The following KIAA1217 variants were observed in gnomAD, a reference collection of about 807,000 sequenced individuals.
KIAA1217 encodes KIAA1217.
In KIAA1217, 88 loss-of-function variants were observed where a neutral mutation model predicts 163.9. That is an observed-to-expected ratio of 0.54 (90% CI 0.45 to 0.64). The LOEUF (loss-of-function observed/expected upper bound fraction) is 0.64, where lower values mean the gene tolerates loss of function less well. Among genes scored for constraint, KIAA1217 ranks in the 30% least tolerant of loss-of-function variants. KIAA1217 has a pLI of 0.00. For synonymous variants in KIAA1217, 903 were observed against 923.1 expected (o/e 0.98, Z 0.39); for missense variants, 2,372 against 2,475.0 (o/e 0.96, Z 0.88).
intron 1 of KIAA1217, among the ~76,000 whole-genome samples, chr10:23,994,292 A>T (rs1846365830): frequency 6.6e-6 from 1 of 152,078 alleles, no homozygotes; most frequent in Non-Finnish European, 1.5e-5. Context: ...GGGTGTGGAT[A>T]TGTGGGAGTT....
At chr10:24,249,468 G>A (rs938594015) in intron 2 of KIAA1217, among the ~76,000 whole-genome samples, 1 of 152,104 alleles carries the variant, frequency 6.6e-6, no homozygotes, top group Admixed American at 6.5e-5. Context: ...AAGCCTAATT[G>A]AGCTTTTTCT....
upstream of KIAA1217, among the ~76,000 whole-genome samples, chr10:24,205,054 T>G (rs2067469862): frequency 6.6e-6 from 1 of 152,156 alleles, no homozygotes; most frequent in Non-Finnish European, 1.5e-5. Flanking sequence ...GTCAAGTCAT[T>G]TTCAACTATC....
chr10:24,278,674 C>T (rs558536976), intron 2 of KIAA1217, among the ~76,000 whole-genome samples: 16 of 152,234 alleles, frequency 1.1e-4, no homozygotes, highest in Admixed American at 2.6e-4. Context: ...CTAATGTGTG[C>T]TGTCTAGTGG....
At chr10:24,459,214 T>G (rs545407004) in intron 5 of KIAA1217, among the ~76,000 whole-genome samples, 1 of 152,292 alleles carries the variant, frequency 6.6e-6, no homozygotes. Flanking sequence ...CATGCCTTAG[T>G]TCCTGCCTGG....
At chr10:24,339,842 C>T (rs1362334941) in intron 2 of KIAA1217, among the ~76,000 whole-genome samples, 1 of 152,108 alleles carries the variant, frequency 6.6e-6, no homozygotes, top group African/African-American at 2.4e-5. Flanking sequence ...CTTTAGTGTC[C>T]CCCCAAAGCC....
At chr10:24,372,042 G>A (rs2051727390) in intron 2 of KIAA1217, among the ~76,000 whole-genome samples, 1 of 152,136 alleles carries the variant, frequency 6.6e-6, no homozygotes, top group Non-Finnish European at 1.5e-5. Flanking sequence ...TAGACACTGG[G>A]GACTCCTGGA....
intron 1 of KIAA1217, among the ~76,000 whole-genome samples, chr10:23,818,345 T>TA (rs71472817): frequency 0.026 from 3,514 of 134,708 alleles, 118 homozygotes; most frequent in African/African-American, 0.073. Flanking sequence ...TATATATATA[T>TA]AAAAAAATAT....
intron 2 of KIAA1217, among the ~76,000 whole-genome samples, chr10:24,197,459 T>A (rs532475940): frequency 6.6e-6 from 1 of 152,346 alleles, no homozygotes; most frequent in Admixed American, 6.5e-5. Flanking sequence ...GCAGTGAACT[T>A]GTTTTGGAAA....
At chr10:24,042,401 G>A (rs1381397217) in intron 2 of KIAA1217, 1 of 152,202 alleles carries the variant, frequency 6.6e-6, no homozygotes, top group African/African-American at 2.4e-5. Context: ...TAGGTGAGAA[G>A]ATTTTGAGAA....
intron 2 of KIAA1217, among the ~76,000 whole-genome samples, chr10:24,380,397 A>G (rs2053131086): frequency 6.6e-6 from 1 of 152,074 alleles, no homozygotes; most frequent in South Asian, 2.1e-4. Context: ...AGGCCGAGGC[A>G]GGCGGATCAC....
At chr10:24,521,669 G>T (rs1211051998) in intron 11 of KIAA1217, 113 bp from the exon 12 acceptor site, 8 of 1,309,694 alleles carry the variant, frequency 6.1e-6, no homozygotes, top group East Asian at 2.3e-5. Flanking sequence ...AGATGTGTGA[G>T]CCACCCTGTG....
intron 2 of KIAA1217, among the ~76,000 whole-genome samples, chr10:24,132,518 T>C (rs551385228): frequency 1.3e-4 from 20 of 152,344 alleles, no homozygotes; most frequent in African/African-American, 4.3e-4. Context: ...GTCTCTGCCC[T>C]CCGGCAGGAC....
chr10:23,932,905 A>G (rs950048549), intron 1 of KIAA1217, among the ~76,000 whole-genome samples: 2 of 152,238 alleles, frequency 1.3e-5, no homozygotes, highest in African/African-American at 4.8e-5. Context: ...ATTGATAAAT[A>G]TGAAATTGGA....
rs1564545708 is a variant in KIAA1217, at chr10:23,934,593, AT to A, written c.-320-72631del. On this transcript the variant is annotated intron_variant, in intron 1 of 18. Transcript: ENST00000376462. ...TATATATATATATATATATATATGT[AT>A]ATATATATATATGTATATATATATA... Among the ~76,000 whole-genome samples the A allele has an allele frequency of 0.013, 858 of 64,936 alleles. 163 individuals carry two copies. The African/African-American group carries it at 0.13, about 10-fold the overall frequency. 42.6% of individuals were successfully genotyped at this position (64,936 alleles called of 152,430 possible).
chr10:23,979,565 A>C (rs998282910), intron 1 of KIAA1217, among the ~76,000 whole-genome samples: 1 of 152,188 alleles, frequency 6.6e-6, no homozygotes, highest in Non-Finnish European at 1.5e-5. Context: ...TATAAAATAA[A>C]ACGTTGATAC....
intron 1 of KIAA1217, among the ~76,000 whole-genome samples, chr10:24,212,271 A>C (rs541398187): frequency 1.3e-5 from 2 of 152,142 alleles, no homozygotes; most frequent in Non-Finnish European, 2.9e-5. Context: ...CCATTTGCCT[A>C]AGTTGGGGAG....
At chr10:24,158,327 C>A in intron 2 of KIAA1217, 1 of 681,350 alleles carries the variant, frequency 1.5e-6, no homozygotes, top group South Asian at 1.4e-5. Context: ...TCTTTGACTT[C>A]AGAAGGTCAC....
At chr10:24,015,626 G>A (rs889330101) in intron 2 of KIAA1217, among the ~76,000 whole-genome samples, 1 of 151,750 alleles carries the variant, frequency 6.6e-6, no homozygotes, top group Non-Finnish European at 1.5e-5. Flanking sequence ...CATGGTGGTG[G>A]GTGCCTGTAG....
intron 2 of KIAA1217, among the ~76,000 whole-genome samples, chr10:24,041,815 TTCA>T: frequency 6.6e-6 from 1 of 152,216 alleles, no homozygotes; most frequent in Non-Finnish European, 1.5e-5. Context: ...TGGTATGCAC[TTCA>T]TAATAATATC....
Sources: gnomAD v4.1 joint callset for allele counts (sites outside exome capture counted in the v4.1 genomes callset) on GRCh38, gnomAD v4.1.1 for gene constraint, MANE v1.5 for transcripts, NCBI Gene and HGNC (gene_info 2026-07-23, HGNC 2026-07-21) for gene names.